Variants in SLC24A2 observed in about 807,000 individuals in gnomAD.
SLC24A2 encodes the protein solute carrier family 24 member 2, also known as sodium/potassium/calcium exchanger 2.
SLC24A2 carries 36 observed loss-of-function variants against 62.0 expected under a neutral mutation model. That is an observed-to-expected ratio of 0.58 (90% CI 0.44 to 0.77). The LOEUF (loss-of-function observed/expected upper bound fraction) is 0.77. SLC24A2 is among the 30% of genes least tolerant of loss of function. The pLI is 0.00. For missense variants in SLC24A2, 846 were observed against 817.9 expected (o/e 1.03, Z -0.42); for synonymous variants, 358 against 294.0 (o/e 1.22, Z -2.23).
At position 19,596,426 on chromosome 9, in the gene SLC24A2, G is replaced by A. The variant is rs572567322; in HGVS notation, c.1129+803C>T. Reference sequence around the variant, plus strand: ...ATTTTTAAAAAGTCGCAGTATGTATGGGATGAAATAGGGGTTAAGGCAATA... The same window carrying A: ...ATTTTTAAAAAGTCGCAGTATGTATAGGATGAAATAGGGGTTAAGGCAATA... On this transcript the variant is annotated intron_variant, in intron 5 of 10. Transcript: ENST00000341998. Among the ~76,000 whole-genome samples, 103 of 152,262 alleles carry A rather than the reference G, an allele frequency of 6.8e-4. 1 individual carries two copies. The highest frequency in any genetic ancestry group is 8.8e-5 in the Non-Finnish European group (6 of 68,018).
At chr9:19,719,181 T>A (rs1289757669) in intron 2 of SLC24A2, among the ~76,000 whole-genome samples, 2 of 152,162 alleles carry the variant, frequency 1.3e-5, no homozygotes, top group Non-Finnish European at 2.9e-5. Flanking sequence ...CTGGTGCTCA[T>A]AGTCACAAGA....
rs369533693 is a variant in SLC24A2, at chr9:19,745,617, G to T, written c.930+40320C>A. On this transcript the variant is annotated intron_variant, in intron 2 of 10. Transcript: ENST00000341998. ...ACTGCCTTAAAATATACCTACCTGT[G>T]AGTGTACCTGTTGCCAGAGAGCAAT... is the stretch of plus-strand genomic sequence containing the variant. Among the ~76,000 whole-genome samples, 20 of 152,268 alleles carry T rather than the reference G, an allele frequency of 1.3e-4. No individual in the cohort carries two copies. The East Asian group carries it at 2.3e-3, about 18-fold the overall frequency.
chr9:20,103,574 T>C, the SLC24A2 span, among the ~76,000 whole-genome samples: 1 of 152,198 alleles, frequency 6.6e-6, no homozygotes, highest in Non-Finnish European at 1.5e-5. Context: ...CCGCTGCTGA[T>C]TCCCAGGCAA....
the SLC24A2 span, among the ~76,000 whole-genome samples, chr9:20,101,872 C>T: frequency 6.6e-6 from 1 of 152,176 alleles, no homozygotes; most frequent in African/African-American, 2.4e-5. Context: ...CCATTGAAAG[C>T]CTGCCTAAAG....
chr9:19,658,138 A>G (rs1361286464), intron 2 of SLC24A2, among the ~76,000 whole-genome samples: 3 of 152,236 alleles, frequency 2.0e-5, no homozygotes, highest in Non-Finnish European at 4.4e-5. Flanking sequence ...TCTGGCAAGT[A>G]GAGGTCACAA....
At chr9:19,985,213 T>C in the SLC24A2 span, among the ~76,000 whole-genome samples, 3 of 152,316 alleles carry the variant, frequency 2.0e-5, no homozygotes, top group Admixed American at 6.5e-5. Context: ...GTATTTACCA[T>C]ATGATTCAGC....
the SLC24A2 span, among the ~76,000 whole-genome samples, chr9:20,186,506 C>T: frequency 6.6e-6 from 1 of 152,196 alleles, no homozygotes; most frequent in Non-Finnish European, 1.5e-5. Context: ...CCTACTCCAA[C>T]ACATTGAACT....
the SLC24A2 span, among the ~76,000 whole-genome samples, chr9:20,030,855 G>A: frequency 8.5e-5 from 13 of 152,094 alleles, no homozygotes; most frequent in African/African-American, 2.7e-4. Flanking sequence ...TGCAAATGTA[G>A]TATCCCTTAA....
At chr9:19,904,594 T>A in the SLC24A2 span, among the ~76,000 whole-genome samples, 7 of 152,188 alleles carry the variant, frequency 4.6e-5, no homozygotes, top group African/African-American at 1.7e-4. Flanking sequence ...ATCGTTGCAT[T>A]TGGGGGGAAA....
chr9:19,782,147 T>C (rs1453437850), intron 2 of SLC24A2, among the ~76,000 whole-genome samples: 1 of 152,180 alleles, frequency 6.6e-6, no homozygotes, highest in Non-Finnish European at 1.5e-5. Context: ...TAAGACGAAG[T>C]TAAATACCAT....
chr9:20,231,903 T>C, the SLC24A2 span, among the ~76,000 whole-genome samples: 85 of 152,262 alleles, frequency 5.6e-4, no homozygotes, highest in Middle Eastern at 3.4e-3. Context: ...TTTTGAGATA[T>C]GTCCCATCAA....
chr9:20,011,380 A>T, the SLC24A2 span, among the ~76,000 whole-genome samples: 1 of 152,092 alleles, frequency 6.6e-6, no homozygotes, highest in Non-Finnish European at 1.5e-5. Context: ...GCATTTTTTC[A>T]TGTGTCTTTT....
At chr9:20,028,490 G>A in the SLC24A2 span, among the ~76,000 whole-genome samples, 1 of 152,234 alleles carries the variant, frequency 6.6e-6, no homozygotes, top group South Asian at 2.1e-4. Context: ...GCAGGAAAGT[G>A]CCCAAAGTCT....
chr9:20,236,629 A>C, the SLC24A2 span, among the ~76,000 whole-genome samples: 1 of 152,240 alleles, frequency 6.6e-6, no homozygotes, highest in African/African-American at 2.4e-5. Context: ...CTTTACGACC[A>C]GCAAATGCTG....
At chr9:19,847,106 A>G in the SLC24A2 span, among the ~76,000 whole-genome samples, 3,913 of 152,290 alleles carry the variant, frequency 0.026, 163 homozygotes, top group African/African-American at 0.088. Flanking sequence ...ACATTATGTA[A>G]TTATTATATG....
chr9:20,211,242 G>A, the SLC24A2 span, among the ~76,000 whole-genome samples: 279 of 152,260 alleles, frequency 1.8e-3, 2 homozygotes, highest in African/African-American at 6.2e-3. Context: ...GCCGGGCGCG[G>A]TGGCTCACAC....
chr9:20,176,372 A>G, the SLC24A2 span, among the ~76,000 whole-genome samples: 1 of 152,152 alleles, frequency 6.6e-6, no homozygotes, highest in African/African-American at 2.4e-5. Context: ...GTAAATCATA[A>G]TCACAGAAAA....
At chr9:19,810,788 A>C in the SLC24A2 span, among the ~76,000 whole-genome samples, 1 of 152,040 alleles carries the variant, frequency 6.6e-6, no homozygotes, top group African/African-American at 2.4e-5. Context: ...ACCAATATTG[A>C]GGATAATCTT....
the SLC24A2 span, among the ~76,000 whole-genome samples, chr9:20,222,603 A>T: frequency 1.5e-4 from 23 of 152,236 alleles, no homozygotes; most frequent in Admixed American, 1.4e-3. Flanking sequence ...TCTTAAATAA[A>T]GTACTAGCAA....
Sources: gnomAD v4.1 joint callset for allele counts (sites outside exome capture counted in the v4.1 genomes callset) on GRCh38, gnomAD v4.1.1 for gene constraint, MANE v1.5 for transcripts, NCBI Gene and HGNC (gene_info 2026-07-23, HGNC 2026-07-21) for gene names.